ALDH2: variants seen among roughly 807,000 people sequenced by gnomAD.
ALDH2 encodes aldehyde dehydrogenase 2 family member.
ALDH2 carries 44 observed loss-of-function variants against 59.6 expected under a neutral mutation model. The ratio of observed to expected loss-of-function variants is 0.74; its 90% confidence interval spans 0.58 to 0.95. The LOEUF (loss-of-function observed/expected upper bound fraction) is 0.95. Ranked by LOEUF, ALDH2 falls within the 40% of genes least tolerant of loss-of-function variation. ALDH2 has a pLI of 0.00. For synonymous variants in ALDH2, 291 were observed against 284.0 expected (o/e 1.02, Z -0.25); for missense variants, 570 against 696.3 (o/e 0.82, Z 2.04).
chr12:111,792,498 C>A (rs994666485), intron 8 of ALDH2, 100 bp from the exon 9 acceptor site: 1 of 1,367,242 alleles, frequency 7.3e-7, no homozygotes, highest in East Asian at 2.5e-5. Flanking sequence ...AGGCATCAAC[C>A]CTTACAGTGG....
chr12:111,775,398 C>T (rs1288783674), intron 1 of ALDH2, among the ~76,000 whole-genome samples: 2 of 152,132 alleles, frequency 1.3e-5, no homozygotes, highest in African/African-American at 2.4e-5. Context: ...TTGTTTCCTG[C>T]GCCCTCTCCT....
chr12:111,790,674 C>A, intron 6 of ALDH2, 112 bp downstream of exon 6: 1 of 1,400,886 alleles, frequency 7.1e-7, no homozygotes, highest in Non-Finnish European at 9.8e-7. Flanking sequence ...GTTTGTGGAG[C>A]CCCCATCACC....
At chr12:111,775,839 G>A (rs1297965672) in intron 1 of ALDH2, 2 of 338,776 alleles carry the variant, frequency 5.9e-6, no homozygotes, top group African/African-American at 4.3e-5. Flanking sequence ...CAGAAACTCA[G>A]TGTGAGAACA....
At chr12:111,794,965 C>CTGT (rs1458733922) in intron 9 of ALDH2, among the ~76,000 whole-genome samples, 1 of 152,174 alleles carries the variant, frequency 6.6e-6, no homozygotes, top group Non-Finnish European at 1.5e-5. Context: ...CCTAAATATC[C>CTGT]TGTACCCATT....
chr12:111,780,675 G>C (rs944000007), intron 1 of ALDH2, among the ~76,000 whole-genome samples: 2 of 152,164 alleles, frequency 1.3e-5, no homozygotes, highest in African/African-American at 4.8e-5. Context: ...CATCTGTACA[G>C]TCTGAGGTGG....
intron 1 of ALDH2, among the ~76,000 whole-genome samples, chr12:111,781,377 C>A (rs1422052438): frequency 6.6e-6 from 1 of 152,144 alleles, no homozygotes; most frequent in Non-Finnish European, 1.5e-5. Context: ...GGAACACTGT[C>A]TCAGGGGAAG....
At chr12:111,791,484 C>A in intron 7 of ALDH2, 65 bp downstream of exon 7, 1 of 1,263,584 alleles carries the variant, frequency 7.9e-7, no homozygotes. Context: ...CCTCAGTGGA[C>A]GACATGCTCA....
chr12:111,809,782 G>A lies in ALDH2; in HGVS notation c.*207G>A, dbSNP rs2068522277. 10 of 590,548 alleles carry A rather than the reference G, an allele frequency of 1.7e-5. No individual in the cohort carries two copies. Among genetic ancestry groups the A allele is most frequent in the South Asian group, 1.3e-4 (6 of 47,818 alleles). The allele number at this position is 590,548 out of a possible 1,614,324, so 36.6% of individuals were successfully genotyped here. A position where few individuals can be genotyped will look rare whatever the true frequency, so the allele number is the denominator to read the frequency against. ...AGAGTATATGAGGAACCTTTTAAACGACAACAATACTGCTAGCTTTCAGGA... is the reference window on the plus strand; with the variant it reads ...AGAGTATATGAGGAACCTTTTAAACAACAACAATACTGCTAGCTTTCAGGA... On this transcript the variant is annotated 3_prime_UTR_variant, in exon 13 of 13. Transcript: ENST00000261733.
At chr12:111,786,770 C>T (rs1318142320) in intron 4 of ALDH2, among the ~76,000 whole-genome samples, 1 of 151,958 alleles carries the variant, frequency 6.6e-6, no homozygotes, top group African/African-American at 2.4e-5. Context: ...TAGTTTTGGA[C>T]TCCTGGGCTC....
chr12:111,788,191 C>T (rs1344903826), intron 4 of ALDH2, among the ~76,000 whole-genome samples: 1 of 150,590 alleles, frequency 6.6e-6, no homozygotes, highest in Non-Finnish European at 1.5e-5. Context: ...GCCTGGGAGA[C>T]AAGAGCGAGA....
chr12:111,804,474 G>A (rs529412211), intron 12 of ALDH2, among the ~76,000 whole-genome samples: 5 of 152,268 alleles, frequency 3.3e-5, no homozygotes, highest in Admixed American at 3.3e-4. Flanking sequence ...CACCGGGCAC[G>A]GTGGCTCACA....
intron 1 of ALDH2, among the ~76,000 whole-genome samples, chr12:111,774,043 T>C (rs770023212): frequency 2.0e-5 from 3 of 152,158 alleles, no homozygotes; most frequent in Non-Finnish European, 2.9e-5. Context: ...GGAAAGTCCA[T>C]TGCAGCAAGA....
Position 111,767,082 on chromosome 12 carries a change from G to T in ALDH2, c.100G>T (p.Val34Phe). Reference sequence around the variant, plus strand: ...GCCTGCCCCCAACCAGCAGCCCGAGGTCTTCTGCAACCAGGTGAGCCCACC... The same window carrying T: ...GCCTGCCCCCAACCAGCAGCCCGAGTTCTTCTGCAACCAGGTGAGCCCACC... ...AVPAPNQQPE[V>F]FCNQIFINNE... The change falls in exon 1 of 13, where the codon GTC (valine) becomes TTC (phenylalanine). Residue 34 changes from valine to phenylalanine, a missense_variant. Coordinates refer to ENST00000261733, the MANE Select transcript of ALDH2 (RefSeq NM_000690.4). 1.3e-6 allele frequency: 2 copies of T among 1,518,056 alleles called. No individual in the cohort carries two copies. Among genetic ancestry groups the T allele is most frequent in the Non-Finnish European group, 1.8e-6 (2 of 1,139,408 alleles). The allele number at this position is 1,518,056 out of a possible 1,614,324, so 94.0% of individuals were successfully genotyped here.
rs2068531695 is a variant in ALDH2 at position 111,810,997 on chromosome 12, G to A, written c.*1422G>A. The A allele has an allele frequency of 6.6e-6, 1 of 152,060 alleles. No individual in the cohort carries two copies. Among genetic ancestry groups the A allele is most frequent in the African/African-American group, 2.4e-5 (1 of 41,412 alleles). The allele number at this position is 152,060 out of a possible 1,614,324, so 9.4% of individuals were successfully genotyped here. A position where few individuals can be genotyped will look rare whatever the true frequency, so the allele number is the denominator to read the frequency against. On this transcript the variant is annotated 3_prime_UTR_variant, in exon 13 of 13. Coordinates refer to ENST00000261733, the MANE Select transcript of ALDH2 (RefSeq NM_000690.4). ...GTGAGATCTGTATCTTCAGTAACCA[G>A]ACCTCTTGAGTCTCCCACCCAGAAC...
chr12:111,791,431 C>A lies in ALDH2; in HGVS notation c.795+12C>A. 6.3e-7 allele frequency: 1 copy of A among 1,599,914 alleles called. No individual in the cohort carries two copies. Among genetic ancestry groups the A allele is most frequent in the East Asian group, 2.2e-5 (1 of 44,486 alleles). On this transcript the variant is annotated intron_variant, in intron 7 of 12. Transcript: ENST00000261733. ...CAGGCTCCACTGAGGTAAGGTGACC[C>A]TGGCCTCAAGCTTGCAGCCTCCTTG...
At chr12:111,802,543 T>C (rs1172172548) in intron 11 of ALDH2, among the ~76,000 whole-genome samples, 1 of 151,326 alleles carries the variant, frequency 6.6e-6, no homozygotes, top group Non-Finnish European at 1.5e-5. Flanking sequence ...ATCGCACCAC[T>C]GCACTCCAGC....
intron 9 of ALDH2, among the ~76,000 whole-genome samples, chr12:111,795,142 A>G (rs981021883): frequency 5.3e-5 from 8 of 152,232 alleles, no homozygotes; most frequent in Admixed American, 5.2e-4. Flanking sequence ...TCCATGTTGT[A>G]ATAAGAATGT....
In ALDH2 at chr12:111,773,024, C is replaced by T. The variant is rs146185317; in HGVS notation, c.114+5928C>T. ...CTGTAATCCCAGCACCTTGGGAGGC[C>T]GAGGCAGGCGGATCACCTCAGGTGG... On this transcript the variant is annotated intron_variant, in intron 1 of 12. Coordinates refer to ENST00000261733, the MANE Select transcript of ALDH2 (RefSeq NM_000690.4). Among the ~76,000 whole-genome samples, 703 of 147,604 alleles carry T rather than the reference C, an allele frequency of 4.8e-3. 7 individuals are homozygous for T. The highest frequency in any genetic ancestry group is 0.016 in the African/African-American group (643 of 40,036).
chr12:111,808,447 G>A (rs559065478), intron 12 of ALDH2, among the ~76,000 whole-genome samples: 1 of 152,158 alleles, frequency 6.6e-6, no homozygotes, highest in African/African-American at 2.4e-5. Context: ...GCTCACGCCT[G>A]TAATCCCAGC....
Sources: allele counts gnomAD v4.1 joint callset (sites outside exome capture counted in the v4.1 genomes callset), GRCh38; gene constraint gnomAD v4.1.1; transcripts MANE v1.5; gene names NCBI Gene and HGNC (gene_info 2026-07-23, HGNC 2026-07-21).